Variants in ACAP2 observed in about 807,000 individuals in gnomAD.
ACAP2 encodes the protein ArfGAP with coiled-coil, ankyrin repeat and PH domains 2.
A neutral mutation model predicts 115.8 loss-of-function variants in ACAP2; 39 were observed. That is an observed-to-expected ratio of 0.34 (90% CI 0.26 to 0.44). The LOEUF is 0.44. Among genes scored for constraint, ACAP2 ranks in the 20% least tolerant of loss-of-function variants. The pLI, the probability that ACAP2 is intolerant of heterozygous loss-of-function variation, is 1.00. For synonymous variants in ACAP2, 289 were observed against 315.8 expected (o/e 0.92, Z 0.90); for missense variants, 662 against 927.6 (o/e 0.71, Z 3.72).
At chr3:195,375,280 A>G (rs1208750406) in intron 4 of ACAP2, among the ~76,000 whole-genome samples, 1 of 152,128 alleles carries the variant, frequency 6.6e-6, no homozygotes, top group East Asian at 1.9e-4. Flanking sequence ...TGTGTTTTCT[A>G]AAAATATAAT....
intron 12 of ACAP2, 43 bp downstream of exon 12, chr3:195,307,180 T>C (rs765867488): frequency 5.3e-6 from 8 of 1,511,354 alleles, no homozygotes; most frequent in East Asian, 4.5e-5. Flanking sequence ...AGACAAACTA[T>C]AAAAACATAA....
chr3:195,420,298 G>A (rs907119427), intron 1 of ACAP2, among the ~76,000 whole-genome samples: 10 of 152,010 alleles, frequency 6.6e-5, no homozygotes, highest in Non-Finnish European at 1.2e-4. Flanking sequence ...CACGCTTGGA[G>A]GACTTTTTGA....
At chr3:195,371,844 T>C (rs1415630262) in intron 4 of ACAP2, among the ~76,000 whole-genome samples, 1 of 152,108 alleles carries the variant, frequency 6.6e-6, no homozygotes, top group African/African-American at 2.4e-5. Flanking sequence ...GTATTTTTAG[T>C]AGAGATGGGG....
Position 195,307,253 on chromosome 3 carries a change from C to G in ACAP2, c.980G>C (p.Arg327Pro). The stretch of plus-strand genomic sequence containing the variant: ...TGGCGAGACCACCTCAAAGCAGAAT[C>G]GTCGCTCTATGTCTTCACAATGTTT... Reference protein sequence around the residue: ...TVKHCEDIERRFCFEVVSPTK... With the variant: ...TVKHCEDIERPFCFEVVSPTK... Residue 327 changes from arginine (R) to proline (P), a missense_variant, in exon 12 of 23, where the codon CGA becomes CCA. By Grantham distance (103) the Arg-to-Pro change is moderately radical (BLOSUM62 -2). This residue lies in a region of ACAP2 where 401 missense variants were observed against 604.4 expected (regional missense o/e 0.66). Coordinates refer to ENST00000326793, the MANE Select transcript of ACAP2 (RefSeq NM_012287.6). The G allele has an allele frequency of 6.2e-7, 1 of 1,613,454 alleles. No homozygotes were observed. The highest frequency in any genetic ancestry group is 8.5e-7 in the Non-Finnish European group (1 of 1,179,580).
chr3:195,419,851 C>G (rs2108830147), intron 1 of ACAP2, among the ~76,000 whole-genome samples: 1 of 152,248 alleles, frequency 6.6e-6, no homozygotes, highest in Admixed American at 6.5e-5. Context: ...ACATCGGAGT[C>G]TGTCTTTGGA....
intron 8 of ACAP2, among the ~76,000 whole-genome samples, chr3:195,327,934 T>A (rs1729904543): frequency 6.6e-6 from 1 of 151,114 alleles, no homozygotes; most frequent in African/African-American, 2.4e-5. Context: ...CCATCAGCCC[T>A]CCACCAAAAA....
chr3:195,285,784 T>C lies in ACAP2; in HGVS notation c.2236+12A>G. 1.2e-6 allele frequency: 2 copies of C among 1,603,884 alleles called. No homozygotes were observed. The highest frequency in any genetic ancestry group is 1.7e-6 in the Non-Finnish European group (2 of 1,172,760). On this transcript the variant is annotated intron_variant, in intron 22 of 22. Transcript: ENST00000326793. ...TACTGCATTTCAGTATGGTTATTAG[T>C]AGAATATTGACCTGGCTGTCCATAA...
At chr3:195,292,514 T>C in intron 18 of ACAP2, 62 bp from the exon 19 acceptor site, 4 of 1,476,748 alleles carry the variant, frequency 2.7e-6, no homozygotes, top group Non-Finnish European at 3.6e-6. Flanking sequence ...GAAAAAATTA[T>C]TTAATAGGTA....
At chr3:195,297,111 T>C in intron 16 of ACAP2, 79 bp downstream of exon 16, 8 of 1,256,546 alleles carry the variant, frequency 6.4e-6, no homozygotes, top group Non-Finnish European at 9.1e-6. Flanking sequence ...TTTGTCTCAA[T>C]GTTATATATC....
At chr3:195,309,404 G>C (rs190837358) in intron 10 of ACAP2, among the ~76,000 whole-genome samples, 1 of 152,098 alleles carries the variant, frequency 6.6e-6, no homozygotes, top group Non-Finnish European at 1.5e-5. Context: ...AAATTAGCTG[G>C]GCATGGCAGC....
intron 1 of ACAP2, among the ~76,000 whole-genome samples, chr3:195,440,347 C>T (rs1370163031): frequency 6.6e-6 from 1 of 152,178 alleles, no homozygotes; most frequent in Non-Finnish European, 1.5e-5. Flanking sequence ...TTCAACCAGT[C>T]CCCTTGTATT....
intron 1 of ACAP2, among the ~76,000 whole-genome samples, chr3:195,412,088 G>A (rs1356754869): frequency 1.4e-5 from 2 of 142,280 alleles, no homozygotes; most frequent in Non-Finnish European, 3.0e-5. Context: ...ACTTTAGGAA[G>A]CCAAGAAAGG....
intron 1 of ACAP2, among the ~76,000 whole-genome samples, chr3:195,409,193 C>T (rs939809019): frequency 1.3e-5 from 2 of 151,548 alleles, no homozygotes; most frequent in Admixed American, 6.6e-5. Flanking sequence ...TGTAGAAAAC[C>T]CTAAAGATTC....
intron 1 of ACAP2, among the ~76,000 whole-genome samples, chr3:195,418,945 T>C (rs1713952078): frequency 1.3e-5 from 2 of 152,196 alleles, no homozygotes; most frequent in Non-Finnish European, 1.5e-5. Flanking sequence ...TGAGACACTA[T>C]ATAATAACAT....
chr3:195,344,024 C>T (rs1217097443), intron 5 of ACAP2, among the ~76,000 whole-genome samples: 2 of 152,092 alleles, frequency 1.3e-5, no homozygotes, highest in Admixed American at 6.5e-5. Context: ...GCCTCAGCAA[C>T]ATAGTGAGAC....
intron 12 of ACAP2, 76 bp downstream of exon 12, chr3:195,307,147 T>G (rs1728476586): frequency 1.4e-5 from 17 of 1,208,682 alleles, no homozygotes; most frequent in Non-Finnish European, 2.0e-5. Context: ...AATGCAAATT[T>G]CTCTACTCTG....
At chr3:195,415,411 G>C (rs1459252531) in intron 1 of ACAP2, among the ~76,000 whole-genome samples, 1 of 151,854 alleles carries the variant, frequency 6.6e-6, no homozygotes, top group Non-Finnish European at 1.5e-5. Context: ...CGAGTAACTG[G>C]GACTACGGGC....
chr3:195,430,827 T>C (rs1046680481), intron 1 of ACAP2, among the ~76,000 whole-genome samples: 1 of 152,230 alleles, frequency 6.6e-6, no homozygotes, highest in Non-Finnish European at 1.5e-5. Flanking sequence ...AACATGTATT[T>C]TCTATTCCAC....
chr3:195,393,223 C>A (rs1296976160), intron 1 of ACAP2, among the ~76,000 whole-genome samples: 6 of 152,174 alleles, frequency 3.9e-5, no homozygotes, highest in Non-Finnish European at 7.3e-5. Context: ...GTAGTCCCAG[C>A]TACTCAGGAG....
Sources: allele counts gnomAD v4.1 joint callset (sites outside exome capture counted in the v4.1 genomes callset), GRCh38; gene constraint gnomAD v4.1.1; regional missense constraint gnomAD v4.1.1; transcripts MANE v1.5; gene names NCBI Gene and HGNC (gene_info 2026-07-23, HGNC 2026-07-21).